Variants in AHCYL2 observed in about 807,000 individuals in gnomAD.
The protein encoded by AHCYL2 is adenosylhomocysteinase like 2, also known as S-adenosylhomocysteine hydrolase-like protein 2.
In AHCYL2, 28 loss-of-function variants were observed where a neutral mutation model predicts 81.4. The observed-to-expected ratio is 0.34, with a 90% CI of 0.25 to 0.47. The LOEUF (loss-of-function observed/expected upper bound fraction) is 0.47. Among genes scored for constraint, AHCYL2 ranks in the 20% least tolerant of loss-of-function variants. AHCYL2 has a pLI of 1.00. For missense variants in AHCYL2, 551 were observed against 785.1 expected (o/e 0.70, Z 3.56); for synonymous variants, 272 against 290.2 (o/e 0.94, Z 0.64).
At position 129,249,690 on chromosome 7, in the gene AHCYL2, G is replaced by T. The variant is rs1214022585; in HGVS notation, c.363+24251G>T. Among the ~76,000 whole-genome samples, 3 of 152,292 alleles carry T rather than the reference G, an allele frequency of 2.0e-5. No homozygotes were observed. The South Asian group carries it at 6.2e-4, about 32-fold the overall frequency. ...TCCACCCGCCTCGGCCTCCCAAAGT[G>T]CTGGGATTACAGGCGTGAGCCACCG... On this transcript the variant is annotated intron_variant, in intron 1 of 16. Coordinates refer to ENST00000325006, the MANE Select transcript of AHCYL2 (RefSeq NM_015328.4).
rs1797526953 is a variant in AHCYL2 at position 129,430,172 on chromosome 7, AT to A, written c.*3128del. The A allele has an allele frequency of 1.3e-5, 2 of 152,550 alleles. No individual in the cohort carries two copies. The highest frequency in any genetic ancestry group is 2.4e-5 in the African/African-American group (1 of 41,410). The allele number at this position is 152,550 out of a possible 1,614,324, so 9.4% of individuals were successfully genotyped here. ...TTGTATTAGATCAGCAATAATGACT[AT>A]GTAATCTCAAAAAACAAATAAAATA... On this transcript the variant is annotated 3_prime_UTR_variant, in exon 17 of 17. Coordinates refer to ENST00000325006, the MANE Select transcript of AHCYL2 (RefSeq NM_015328.4).
At chr7:129,322,011 G>A (rs531330226) in intron 1 of AHCYL2, among the ~76,000 whole-genome samples, 104 of 151,916 alleles carry the variant, frequency 6.8e-4, no homozygotes, top group Non-Finnish European at 1.3e-3. Context: ...CCTGACCTCA[G>A]GTGATCCACC....
chr7:129,308,884 G>T (rs2150772893), intron 1 of AHCYL2, among the ~76,000 whole-genome samples: 1 of 152,228 alleles, frequency 6.6e-6, no homozygotes, highest in South Asian at 2.1e-4. Flanking sequence ...GTCATGTGGT[G>T]GTTCTTAGTC....
Position 129,328,948 on chromosome 7 carries a change from C to T in AHCYL2, c.364-50690C>T, listed in dbSNP as rs185756498. Among the ~76,000 whole-genome samples, 3 of 151,976 alleles carry T rather than the reference C, an allele frequency of 2.0e-5. No homozygotes were observed. In the East Asian group the frequency reaches 5.8e-4, roughly 29 times the overall value. On this transcript the variant is annotated intron_variant, in intron 1 of 16. Transcript: ENST00000325006. ...AAATACATGGAATCTTTTATTATGC[C>T]TCTAATATAGTGTTCTCAAACTGAC...
At chr7:129,250,772 T>C (rs1010497695) in intron 1 of AHCYL2, among the ~76,000 whole-genome samples, 5 of 152,214 alleles carry the variant, frequency 3.3e-5, no homozygotes, top group African/African-American at 1.2e-4. Flanking sequence ...CCTCTTGACA[T>C]TTATATGTCT....
chr7:129,303,583 A>C (rs1229279697), intron 1 of AHCYL2, among the ~76,000 whole-genome samples: 2 of 152,042 alleles, frequency 1.3e-5, no homozygotes, highest in Non-Finnish European at 2.9e-5. Flanking sequence ...AATTTCATTT[A>C]TCTTTTCAAA....
chr7:129,277,260 T>C (rs1796248802), intron 1 of AHCYL2, among the ~76,000 whole-genome samples: 1 of 151,376 alleles, frequency 6.6e-6, no homozygotes, highest in Admixed American at 6.6e-5. Flanking sequence ...ACATATTTAT[T>C]ACCTCTAAAG....
Position 129,265,128 on chromosome 7 carries a change from C to T in AHCYL2, c.363+39689C>T, listed in dbSNP as rs150646363. Among the ~76,000 whole-genome samples, 1,277 of 152,282 alleles carry T rather than the reference C, an allele frequency of 8.4e-3. 7 individuals are homozygous for T. Among genetic ancestry groups the T allele is most frequent in the Admixed American group, 0.012 (188 of 15,292 alleles). Reference sequence around the variant, plus strand: ...TTACAAGATTGGTGTGATGGCTCCTCCACAGGGATTAGAGACCCAGACTCC... The same window carrying T: ...TTACAAGATTGGTGTGATGGCTCCTTCACAGGGATTAGAGACCCAGACTCC... On this transcript the variant is annotated intron_variant, in intron 1 of 16. Transcript: ENST00000325006.
At chr7:129,412,326 G>A (rs1796622299) in intron 11 of AHCYL2, among the ~76,000 whole-genome samples, 1 of 142,292 alleles carries the variant, frequency 7.0e-6, no homozygotes, top group African/African-American at 2.6e-5. Flanking sequence ...AGACACCCAA[G>A]CTGGAGTGCA....
intron 1 of AHCYL2, among the ~76,000 whole-genome samples, chr7:129,271,869 A>G (rs1466278904): frequency 6.6e-6 from 1 of 152,202 alleles, no homozygotes; most frequent in Non-Finnish European, 1.5e-5. Flanking sequence ...ACAAAGACAG[A>G]TTGTTGTAGC....
chr7:129,310,877 A>T (rs1454420354), intron 1 of AHCYL2, among the ~76,000 whole-genome samples: 1 of 152,094 alleles, frequency 6.6e-6, no homozygotes, highest in Admixed American at 6.5e-5. Flanking sequence ...TGGGAGGCTG[A>T]TGTGGGCATA....
At chr7:129,295,716 G>A (rs1797031076) in intron 1 of AHCYL2, among the ~76,000 whole-genome samples, 1 of 152,204 alleles carries the variant, frequency 6.6e-6, no homozygotes, top group Admixed American at 6.5e-5. Context: ...GGCCGTGAAT[G>A]GCCAGAGAAA....
chr7:129,275,284 C>T (rs1044961510), intron 1 of AHCYL2, among the ~76,000 whole-genome samples: 2 of 152,068 alleles, frequency 1.3e-5, no homozygotes, highest in African/African-American at 4.8e-5. Flanking sequence ...CGCCTGTAAT[C>T]CCAGCCACTC....
intron 1 of AHCYL2, among the ~76,000 whole-genome samples, chr7:129,229,489 G>A (rs375918419): frequency 5.4e-5 from 8 of 146,890 alleles, no homozygotes; most frequent in Non-Finnish European, 4.5e-5. Flanking sequence ...CTTGCCCAAG[G>A]TTATACATCT....
At chr7:129,404,910 GT>G (rs1238699165) in intron 7 of AHCYL2, among the ~76,000 whole-genome samples, 186 bp from the exon 8 acceptor site, 1 of 152,102 alleles carries the variant, frequency 6.6e-6, no homozygotes, top group Non-Finnish European at 1.5e-5. Context: ...AATCTTTATT[GT>G]GAAGCTATAT....
At chr7:129,418,342 C>G (rs1390685612) in intron 12 of AHCYL2, among the ~76,000 whole-genome samples, 2 of 151,848 alleles carry the variant, frequency 1.3e-5, no homozygotes, top group Non-Finnish European at 2.9e-5. Context: ...CTCTGTTGCC[C>G]AGGCTGGAGT....
chr7:129,367,445 A>G (rs1323018233), intron 1 of AHCYL2, among the ~76,000 whole-genome samples: 1 of 152,190 alleles, frequency 6.6e-6, no homozygotes, highest in African/African-American at 2.4e-5. Context: ...CTTATTTCCA[A>G]AATTCTGAAG....
rs556435431 is a variant in AHCYL2, at chr7:129,406,652, G to A, written c.1295+186G>A. ...AGAGAGCAGAGACTATCAGAAAAGC[G>A]AAAATTTAGAAATCCTGTGGAGATA... On this transcript the variant is annotated intron_variant, in intron 10 of 16. Transcript: ENST00000325006. The surrounding 1 kb of genome is among the most constrained non-coding windows in gnomAD (Gnocchi z 4.3). 1.3e-5 allele frequency among the ~76,000 whole-genome samples: 2 copies of A among 152,262 alleles called. No individual in the cohort carries two copies. Among genetic ancestry groups the A allele is most frequent in the Non-Finnish European group, 2.9e-5 (2 of 68,010 alleles).
At chr7:129,389,568 T>A in intron 3 of AHCYL2, 66 bp from the exon 4 acceptor site, 1 of 1,339,706 alleles carries the variant, frequency 7.5e-7, no homozygotes, top group Admixed American at 2.2e-5. Flanking sequence ...AACAAGTTTT[T>A]CTGTTTGTTC....
Sources: gnomAD v4.1 joint callset for allele counts (sites outside exome capture counted in the v4.1 genomes callset) on GRCh38, gnomAD v4.1.1 for gene constraint, Gnocchi (gnomAD v3.1) non-coding constraint, MANE v1.5 for transcripts, NCBI Gene and HGNC (gene_info 2026-07-23, HGNC 2026-07-21) for gene names.